The following TJP2 variants were observed in gnomAD, a reference collection of about 807,000 sequenced individuals.
TJP2 encodes the protein Friedreich ataxia region gene X104 (tight junction protein ZO-2).
In TJP2, 91 loss-of-function variants were observed where a neutral mutation model predicts 133.1. The ratio of observed to expected loss-of-function variants is 0.68; its 90% CI spans 0.58 to 0.81. The LOEUF (loss-of-function observed/expected upper bound fraction) is 0.81, where lower values mean the gene tolerates loss of function less well. TJP2 is among the 40% of genes least tolerant of loss of function. The probability of loss-of-function intolerance (pLI) is 0.00; values close to 1 mark genes in which losing one functional copy is unlikely to be tolerated. For missense variants in TJP2, 1,541 were observed against 1,565.6 expected (o/e 0.98, Z 0.26); for synonymous variants, 592 against 583.4 (o/e 1.01, Z -0.21).
chr9:69,205,313 C>A, intron 1 of TJP2: 4 of 1,534,532 alleles, frequency 2.6e-6, no homozygotes, highest in Non-Finnish European at 2.6e-6. Context: ...ACCATTCTCA[C>A]AGTGAGTCCT....
At chr9:69,166,356 G>A (rs570091096) in intron 2 of TJP2, among the ~76,000 whole-genome samples, 10 of 152,222 alleles carry the variant, frequency 6.6e-5, no homozygotes, top group Non-Finnish European at 1.0e-4. Context: ...TCCCATCTTG[G>A]CCTCCCAAAG....
intron 1 of TJP2, chr9:69,122,177 T>C (rs943650196): frequency 2.0e-5 from 3 of 152,274 alleles, no homozygotes; most frequent in African/African-American, 7.2e-5. Context: ...TGTTTCACTT[T>C]CTGCTGAGCT....
intron 1 of TJP2, among the ~76,000 whole-genome samples, chr9:69,200,527 A>G (rs970266913): frequency 6.6e-6 from 1 of 152,190 alleles, no homozygotes; most frequent in South Asian, 2.1e-4. Context: ...AGCTAGGACT[A>G]TAGGCACATG....
chr9:69,149,585 A>G (rs560321898), intron 1 of TJP2, among the ~76,000 whole-genome samples: 23 of 150,462 alleles, frequency 1.5e-4, no homozygotes, highest in Non-Finnish European at 2.8e-4. Flanking sequence ...ACGCCACAAT[A>G]TCAGTTTGTC....
At chr9:69,121,298 C>T, upstream of TJP2, 2 of 985,378 alleles carry the variant, frequency 2.0e-6, no homozygotes, top group South Asian at 4.7e-5. Flanking sequence ...CCCAAAGTAG[C>T]GCTGCGAGCA....
Position 69,174,301 on chromosome 9 carries a change from G to GAGGAGTAGGAGC in TJP2, c.-66_-55dup, listed in dbSNP as rs1554773926. 11 of 1,549,958 alleles carry GAGGAGTAGGAGC rather than the reference G, an allele frequency of 7.1e-6. 1 individual carries two copies. The Admixed American group carries it at 1.6e-4, about 22-fold the overall frequency. ...CAGAGCACTGTCCGGTGGTGCCCAG[G>GAGGAGTAGGAGC]AGGAGTAGGAGCAGGAGCAGAAGCA... is the stretch of plus-strand genomic sequence containing the variant. On this transcript the variant is annotated 5_prime_UTR_variant, in exon 1 of 23. Coordinates refer to ENST00000377245, the MANE Select transcript of TJP2 (RefSeq NM_004817.4).
At chr9:69,159,558 T>C (rs1025157462) in intron 2 of TJP2, among the ~76,000 whole-genome samples, 3 of 152,166 alleles carry the variant, frequency 2.0e-5, no homozygotes, top group South Asian at 4.1e-4. Context: ...TTGTCTCTTC[T>C]GATAGCTTTA....
intron 1 of TJP2, among the ~76,000 whole-genome samples, chr9:69,181,661 C>A (rs2132992708): frequency 6.6e-6 from 1 of 152,102 alleles, no homozygotes; most frequent in Non-Finnish European, 1.5e-5. Context: ...AGAGAACATT[C>A]TAAATTATTT....
At chr9:69,188,390 T>G (rs534061064) in intron 1 of TJP2, among the ~76,000 whole-genome samples, 1 of 152,196 alleles carries the variant, frequency 6.6e-6, no homozygotes, top group South Asian at 2.1e-4. Flanking sequence ...GTCACACGGC[T>G]TGTGTGACAG....
chr9:69,165,214 A>T (rs944492452), intron 2 of TJP2, among the ~76,000 whole-genome samples: 1 of 152,086 alleles, frequency 6.6e-6, no homozygotes, highest in South Asian at 2.1e-4. Context: ...TGCAGCCTCA[A>T]CCTCTTGGAC....
intron 1 of TJP2, among the ~76,000 whole-genome samples, chr9:69,186,128 A>C (rs1442950767): frequency 6.6e-6 from 1 of 152,164 alleles, no homozygotes; most frequent in African/African-American, 2.4e-5. Flanking sequence ...GCCTGTCTGT[A>C]ATGATGTCAC....
chr9:69,236,110 G>C lies in TJP2; in HGVS notation c.1863G>C (p.Gln621His). 6.2e-7 allele frequency: 1 copy of C among 1,614,188 alleles called. No individual in the cohort carries two copies. The highest frequency in any genetic ancestry group is 8.5e-7 in the Non-Finnish European group (1 of 1,180,034). Residue 621 changes from glutamine (Q) to histidine (H), a missense_variant, in exon 13 of 23, where the codon CAG becomes CAC. By Grantham distance (24) the Gln-to-His change is conservative. Transcript: ENST00000377245. ...TTGAATGTGAGAAGGAAACTCCACA[G>C]AGCCTGGCCTTCACCAGAGGGGAGG... ...SHFECEKETPQSLAFTRGEVF... is the reference protein window; with the variant it reads ...SHFECEKETPHSLAFTRGEVF...
chr9:69,254,782 G>C lies in TJP2; in HGVS notation c.*408G>C. On this transcript the variant is annotated 3_prime_UTR_variant, in exon 23 of 23. Coordinates refer to ENST00000377245, the MANE Select transcript of TJP2 (RefSeq NM_004817.4). ...TGAAAAAGGAATAAAAAATACTGTT[G>C]GGCTCAAACTAAATTCAAAGAAGTA... 1 of 479,728 alleles carries C rather than the reference G, an allele frequency of 2.1e-6. No individual in the cohort carries two copies. The highest frequency in any genetic ancestry group is 3.6e-6 in the Non-Finnish European group (1 of 274,524). The allele number at this position is 479,728 out of a possible 1,614,324, so 29.7% of individuals were successfully genotyped here.
chr9:69,122,907 C>T (rs1259310799), intron 1 of TJP2, among the ~76,000 whole-genome samples: 1 of 152,164 alleles, frequency 6.6e-6, no homozygotes, highest in African/African-American at 2.4e-5. Context: ...CTCTTCGTTT[C>T]CTGGTGAGGA....
chr9:69,169,279 A>G (rs574114397), upstream of TJP2, among the ~76,000 whole-genome samples: 3 of 151,928 alleles, frequency 2.0e-5, no homozygotes, highest in Non-Finnish European at 4.4e-5. Context: ...GGTTTGTTAA[A>G]GGAGAGTTAC....
At chr9:69,225,468 A>G in intron 6 of TJP2, 61 bp downstream of exon 6, 1 of 1,078,694 alleles carries the variant, frequency 9.3e-7, no homozygotes, top group Non-Finnish European at 1.4e-6. Context: ...CTGCATGTCC[A>G]CATTCAGCAC....
intron 20 of TJP2, chr9:69,249,806 C>T (rs998491187): frequency 1.2e-5 from 12 of 961,446 alleles, no homozygotes; most frequent in South Asian, 4.8e-5. Flanking sequence ...AATCACCAAT[C>T]GCAGAACGTG....
intron 1 of TJP2, chr9:69,205,416 G>C (rs149829056): frequency 9.7e-4 from 1,260 of 1,301,890 alleles, no homozygotes; most frequent in Non-Finnish European, 1.2e-3. Context: ...AAAAATACTT[G>C]TATTAATTTT....
In TJP2 at chr9:69,158,327, C is replaced by CAAAAAA. The variant is rs1156502519; in HGVS notation, c.-10+6576_-10+6581dup. On this transcript the variant is annotated intron_variant, in intron 2 of 5. Transcript: ENST00000423935. ...TGAGGGACAGAGCAAGACTTTGCCTCAAAAAAAAAAAAAAAAAAAAAAAAA... is the reference window on the plus strand; with the variant it reads ...TGAGGGACAGAGCAAGACTTTGCCTCAAAAAAAAAAAAAAAAAAAAAAAAAAAAAAA... 2.0e-3 allele frequency among the ~76,000 whole-genome samples: 105 copies of CAAAAAA among 52,772 alleles called. 4 individuals are homozygous for CAAAAAA. The highest frequency in any genetic ancestry group is 7.6e-3 in the African/African-American group (100 of 13,194). The allele number at this position is 52,772 out of a possible 152,430, so 34.6% of individuals were successfully genotyped here.
Sources: gnomAD v4.1 joint callset for allele counts (sites outside exome capture counted in the v4.1 genomes callset) on GRCh38, gnomAD v4.1.1 for gene constraint, MANE v1.5 for transcripts, NCBI Gene and HGNC (gene_info 2026-07-23, HGNC 2026-07-21) for gene names.